HIPK2: variants seen among roughly 807,000 people sequenced by gnomAD.
HIPK2 encodes homeodomain-interacting protein kinase 2.
HIPK2 carries 27 observed loss-of-function variants against 113.7 expected under a neutral mutation model. That is an observed-to-expected ratio of 0.24 (90% CI 0.17 to 0.33). HIPK2 has a LOEUF of 0.33. HIPK2 is among the 10% of genes least tolerant of loss of function. The pLI is 1.00. For missense variants in HIPK2, 1,257 were observed against 1,588.0 expected (o/e 0.79, Z 3.54); for synonymous variants, 631 against 642.2 (o/e 0.98, Z 0.26).
At chr7:139,773,588 T>C (rs1208128484) in intron 1 of HIPK2, among the ~76,000 whole-genome samples, 2 of 152,202 alleles carry the variant, frequency 1.3e-5, no homozygotes, top group Non-Finnish European at 2.9e-5. Context: ...TCAAAGGTGG[T>C]TCCCCAAGAC....
intron 12 of HIPK2, among the ~76,000 whole-genome samples, chr7:139,586,319 C>CA (rs1220018741): frequency 6.6e-6 from 1 of 152,088 alleles, no homozygotes; most frequent in African/African-American, 2.4e-5. Context: ...AGTACATTCT[C>CA]AAAGGATTGG....
At chr7:139,583,060 G>A (rs530748001) in intron 13 of HIPK2, among the ~76,000 whole-genome samples, 3 of 152,092 alleles carry the variant, frequency 2.0e-5, no homozygotes, top group Non-Finnish European at 4.4e-5. Context: ...CAGTTATGCC[G>A]CCACGCAGGT....
chr7:139,587,095 A>G (rs374726884), intron 12 of HIPK2, among the ~76,000 whole-genome samples: 47 of 152,346 alleles, frequency 3.1e-4, no homozygotes, highest in African/African-American at 1.1e-3. Flanking sequence ...GGCAAATTTT[A>G]TATTTTACCA....
chr7:139,619,283 C>T (rs1013734958), intron 7 of HIPK2, among the ~76,000 whole-genome samples: 1 of 152,176 alleles, frequency 6.6e-6, no homozygotes, highest in Non-Finnish European at 1.5e-5. Context: ...CAGGTACACA[C>T]ACATCCACAC....
intron 8 of HIPK2, 108 bp downstream of exon 8, chr7:139,614,175 TGAG>T (rs958692164): frequency 3.9e-6 from 4 of 1,036,926 alleles, no homozygotes; most frequent in Middle Eastern, 3.4e-4. Context: ...CTGGAAGAAA[TGAG>T]GAGGGCCTTT....
chr7:139,569,539 C>T lies in HIPK2; in HGVS notation c.*3388G>A, dbSNP rs967397256. On this transcript the variant is annotated 3_prime_UTR_variant, in exon 15 of 15. Coordinates refer to ENST00000406875, the MANE Select transcript of HIPK2 (RefSeq NM_022740.5). ...GGACAGTCAGTGACTCGACATTCCC[C>T]GAGCCCATGAGATGCCACCTGACGT... 5.9e-5 allele frequency: 9 copies of T among 152,132 alleles called. No individual in the cohort carries two copies. The highest frequency in any genetic ancestry group is 1.3e-4 in the Admixed American group (2 of 15,280). 9.4% of individuals were successfully genotyped at this position (152,132 alleles called of 1,614,324 possible).
rs1802129662 is a variant in HIPK2 at position 139,668,304 on chromosome 7, G to A, written c.1104-36579C>T. On this transcript the variant is annotated intron_variant, in intron 2 of 14. Coordinates refer to ENST00000406875, the MANE Select transcript of HIPK2 (RefSeq NM_022740.5). ...TGGCCGAGTGCAGTGGCTCACACCT[G>A]TAATCCCAGCACTTTGGGAGGCCGA... Among the ~76,000 whole-genome samples the A allele has an allele frequency of 1.3e-5, 2 of 151,972 alleles. 1 individual carries two copies.
intron 1 of HIPK2, among the ~76,000 whole-genome samples, chr7:139,730,851 G>T (rs1258787880): frequency 6.6e-6 from 1 of 152,170 alleles, no homozygotes; most frequent in Non-Finnish European, 1.5e-5. Context: ...GTCCTTGTAA[G>T]AGGAGACACA....
intron 12 of HIPK2, among the ~76,000 whole-genome samples, chr7:139,595,537 C>T (rs1009510353): frequency 1.3e-5 from 2 of 152,106 alleles, no homozygotes; most frequent in African/African-American, 2.4e-5. Flanking sequence ...CACAATGCTA[C>T]GGCCACAAGT....
chr7:139,770,731 A>G (rs1444401898), intron 1 of HIPK2, among the ~76,000 whole-genome samples: 1 of 152,250 alleles, frequency 6.6e-6, no homozygotes, highest in African/African-American at 2.4e-5. Flanking sequence ...CAGCATTAAC[A>G]CATGCAGAAG....
In HIPK2 at chr7:139,565,922, C is replaced by T. The variant is rs1426724340; in HGVS notation, c.*7005G>A. 2 of 151,912 alleles carry T rather than the reference C, an allele frequency of 1.3e-5. No homozygotes were observed. Among genetic ancestry groups the T allele is most frequent in the African/African-American group, 2.4e-5 (1 of 41,342 alleles). The allele number at this position is 151,912 out of a possible 1,614,324, so 9.4% of individuals were successfully genotyped here. A position where few individuals can be genotyped will look rare whatever the true frequency, so the allele number is the denominator to read the frequency against. On this transcript the variant is annotated 3_prime_UTR_variant, in exon 15 of 15. Coordinates refer to ENST00000406875, the MANE Select transcript of HIPK2 (RefSeq NM_022740.5). ...AAAAAATATATACCTTTAGTATTGC[C>T]TTTCTAGAATTAACTATAAGCAAGA...
At chr7:139,667,848 G>GGA (rs1220667002) in intron 2 of HIPK2, among the ~76,000 whole-genome samples, 1 of 152,104 alleles carries the variant, frequency 6.6e-6, no homozygotes, top group Non-Finnish European at 1.5e-5. Context: ...CTTGTGGCTG[G>GGA]GAGCGGTGGC....
chr7:139,600,714 G>C, intron 10 of HIPK2, 118 bp from the exon 11 acceptor site: 1 of 1,159,376 alleles, frequency 8.6e-7, no homozygotes, highest in Non-Finnish European at 1.2e-6. Flanking sequence ...CTCACTAGCT[G>C]TGCAGCTGCT....
intron 2 of HIPK2, among the ~76,000 whole-genome samples, chr7:139,642,534 C>T (rs1801062180): frequency 6.6e-6 from 1 of 152,160 alleles, no homozygotes; most frequent in Admixed American, 6.5e-5. Context: ...GCAGCCTCCC[C>T]ACAGGATGAA....
chr7:139,632,686 T>C (rs990965030), intron 2 of HIPK2, among the ~76,000 whole-genome samples: 1 of 152,178 alleles, frequency 6.6e-6, no homozygotes, highest in African/African-American at 2.4e-5. Context: ...AGGTACATCT[T>C]CTTTTCTAAG....
At chr7:139,772,943 T>TA (rs59311002) in intron 1 of HIPK2, among the ~76,000 whole-genome samples, 18,894 of 142,672 alleles carry the variant, frequency 0.13, 2,096 homozygotes, top group Admixed American at 0.28. Flanking sequence ...GAACTGCCAC[T>TA]AAAAAAAAAA....
At chr7:139,614,640 G>C (rs1569454519) in intron 7 of HIPK2, 147 bp from the exon 8 acceptor site, 4 of 517,764 alleles carry the variant, frequency 7.7e-6, no homozygotes, top group Non-Finnish European at 1.2e-5. Context: ...CAAAAGCAGA[G>C]AGGAGTGGAA....
Position 139,575,292 on chromosome 7 carries a change from T to C in HIPK2, c.2966-4A>G, listed in dbSNP as rs56338252. The C allele has an allele frequency of 0.022, 34,028 of 1,558,746 alleles. 976 individuals carry two copies. The highest frequency in any genetic ancestry group is 0.14 in the African/African-American group (10,087 of 73,632). ...GACGAGTGGTGACTGGTGTTGACTG[T>C]GGCGGGAGGAGAAAGAGGTCAGATC... is the stretch of plus-strand genomic sequence containing the variant. On this transcript the variant is annotated splice_polypyrimidine_tract_variant and splice_region_variant and intron_variant, in intron 13 of 14. Transcript: ENST00000406875.
intron 2 of HIPK2, among the ~76,000 whole-genome samples, chr7:139,678,855 TCTC>T (rs1310089104): frequency 6.6e-6 from 1 of 152,194 alleles, no homozygotes; most frequent in Non-Finnish European, 1.5e-5. Context: ...GGTTTGTAGT[TCTC>T]CTTGAAGAGG....
Sources: allele counts gnomAD v4.1 joint callset (sites outside exome capture counted in the v4.1 genomes callset), GRCh38; gene constraint gnomAD v4.1.1; transcripts MANE v1.5; gene names NCBI Gene and HGNC (gene_info 2026-07-23, HGNC 2026-07-21).